The following APBB2 variants were observed in gnomAD, a reference collection of about 807,000 sequenced individuals.
The protein encoded by APBB2 is amyloid beta precursor protein binding family B member 2.
Under a neutral mutation model 82.5 loss-of-function variants are expected in APBB2, and 38 were observed. The observed-to-expected ratio is 0.46, with a 90% CI of 0.36 to 0.60. The LOEUF is 0.60. Ranked by LOEUF, APBB2 falls within the 20% of genes least tolerant of loss-of-function variation. The probability of loss-of-function intolerance (pLI) is 0.00; values close to 1 mark genes in which losing one functional copy is unlikely to be tolerated. For missense variants in APBB2, 772 were observed against 972.3 expected (o/e 0.79, Z 2.74); for synonymous variants, 341 against 368.2 (o/e 0.93, Z 0.85).
chr4:41,075,693 T>C (rs1735411121), intron 3 of APBB2, among the ~76,000 whole-genome samples: 1 of 152,236 alleles, frequency 6.6e-6, no homozygotes, highest in African/African-American at 2.4e-5. Context: ...CTCCAGGCAA[T>C]GAAGGTCATT....
chr4:40,893,107 C>G (rs1352549731), intron 11 of APBB2, 158 bp downstream of exon 11: 2 of 804,172 alleles, frequency 2.5e-6, no homozygotes, highest in Admixed American at 6.1e-5. Flanking sequence ...GGATCAGTCA[C>G]ACGGGGGTAC....
intron 1 of APBB2, among the ~76,000 whole-genome samples, chr4:41,194,450 C>G: frequency 6.6e-6 from 1 of 152,088 alleles, no homozygotes; most frequent in Non-Finnish European, 1.5e-5. Flanking sequence ...TGGGAGGCCA[C>G]GGCAGGTGGA....
intron 7 of APBB2, among the ~76,000 whole-genome samples, chr4:40,941,392 T>A (rs139568112): frequency 6.6e-6 from 1 of 152,188 alleles, no homozygotes; most frequent in South Asian, 2.1e-4. Flanking sequence ...ATATGTGACA[T>A]AGCCTCCCTT....
chr4:41,194,854 ATT>A, intron 1 of APBB2, among the ~76,000 whole-genome samples: 1 of 151,986 alleles, frequency 6.6e-6, no homozygotes, highest in African/African-American at 2.4e-5. Flanking sequence ...TCTTTTTTTA[ATT>A]TTTTCTTTTT....
intron 10 of APBB2, among the ~76,000 whole-genome samples, chr4:40,910,386 G>A (rs896930260): frequency 3.3e-5 from 5 of 151,868 alleles, no homozygotes; most frequent in South Asian, 2.1e-4. Context: ...TACAGGCTAC[G>A]CACTACCATA....
rs73140443 is a variant in APBB2 at position 41,108,366 on chromosome 4, A to C, written c.-260-7616T>G. On this transcript the variant is annotated intron_variant, in intron 2 of 17. Transcript: ENST00000508593. The stretch of plus-strand genomic sequence containing the variant: ...TGTTAGAGCATTTAGTCCATTTCTT[A>C]AAAAAAAAAGAAATCCAATTCTATT... Among the ~76,000 whole-genome samples, 740 of 149,554 alleles carry C rather than the reference A, an allele frequency of 4.9e-3. 8 individuals are homozygous for C. Among genetic ancestry groups the C allele is most frequent in the Middle Eastern group, 0.045 (13 of 292 alleles).
intron 6 of APBB2, among the ~76,000 whole-genome samples, chr4:40,967,751 T>C (rs1795012969): frequency 6.6e-6 from 1 of 152,084 alleles, no homozygotes; most frequent in Admixed American, 6.5e-5. Context: ...GTGGGTGGAA[T>C]GAGCCCAGCA....
At chr4:41,045,839 TG>T (rs758057186) in intron 4 of APBB2, among the ~76,000 whole-genome samples, 1 of 152,238 alleles carries the variant, frequency 6.6e-6, no homozygotes, top group Non-Finnish European at 1.5e-5. Flanking sequence ...ACATAGCAGA[TG>T]TTCAAGAAAT....
intron 10 of APBB2, among the ~76,000 whole-genome samples, chr4:40,924,415 G>C (rs987728351): frequency 6.6e-6 from 1 of 152,156 alleles, no homozygotes; most frequent in Admixed American, 6.5e-5. Context: ...ACGTGAACTT[G>C]CCACGTCTCA....
At chr4:40,928,493 C>T (rs186434922) in intron 10 of APBB2, among the ~76,000 whole-genome samples, 18 of 151,900 alleles carry the variant, frequency 1.2e-4, no homozygotes, top group Admixed American at 9.2e-4. Context: ...GCAGGAGAAT[C>T]GATTGAACCA....
chr4:41,065,187 A>T (rs4324580), intron 4 of APBB2, among the ~76,000 whole-genome samples: 31,329 of 152,018 alleles, frequency 0.21, 4,240 homozygotes, highest in East Asian at 0.54. Context: ...ACCGTAAGCT[A>T]AGGTGGAAGG....
chr4:41,012,042 T>C (rs1579229562), intron 6 of APBB2, among the ~76,000 whole-genome samples: 1 of 151,656 alleles, frequency 6.6e-6, no homozygotes, highest in Non-Finnish European at 1.5e-5. Flanking sequence ...ACTAATTTTT[T>C]TGGAGGAGGA....
At chr4:41,045,964 GT>G (rs1210273153) in intron 4 of APBB2, among the ~76,000 whole-genome samples, 1 of 151,582 alleles carries the variant, frequency 6.6e-6, no homozygotes, top group Non-Finnish European at 1.5e-5. Flanking sequence ...ATTTTTCTAA[GT>G]TTTTTTTAAT....
At chr4:41,026,614 C>T (rs895570634) in intron 5 of APBB2, among the ~76,000 whole-genome samples, 1 of 152,208 alleles carries the variant, frequency 6.6e-6, no homozygotes, top group East Asian at 1.9e-4. Context: ...TGGCTTCTCT[C>T]ATTTACTGTA....
chr4:41,106,538 G>A (rs764019702), intron 2 of APBB2, among the ~76,000 whole-genome samples: 7 of 152,138 alleles, frequency 4.6e-5, no homozygotes, highest in African/African-American at 1.2e-4. Flanking sequence ...GTACAGTGGC[G>A]CTACCTCAGC....
At chr4:41,105,885 C>CAA (rs34109241) in intron 2 of APBB2, among the ~76,000 whole-genome samples, 1,464 of 114,324 alleles carry the variant, frequency 0.013, 25 homozygotes, top group South Asian at 0.053. Flanking sequence ...GACCCCGTCT[C>CAA]AAAAAAAAAA....
At chr4:41,100,463 G>GA (rs1263038609) in intron 3 of APBB2, among the ~76,000 whole-genome samples, 176 bp downstream of exon 3, 1 of 147,838 alleles carries the variant, frequency 6.8e-6, no homozygotes, top group Non-Finnish European at 1.5e-5. Flanking sequence ...TCTCTTGCAA[G>GA]TTTTTTTTTT....
intron 12 of APBB2, among the ~76,000 whole-genome samples, chr4:40,850,537 G>T (rs1037369871): frequency 6.6e-6 from 1 of 152,156 alleles, no homozygotes; most frequent in African/African-American, 2.4e-5. Flanking sequence ...AGGTCCTTCA[G>T]ATCAGGGATC....
At chr4:40,870,105 T>C (rs557579971) in intron 12 of APBB2, among the ~76,000 whole-genome samples, 2 of 152,276 alleles carry the variant, frequency 1.3e-5, no homozygotes, top group South Asian at 4.1e-4. Flanking sequence ...CGCTCACCCA[T>C]GAAATGAAAT....
Sources: gnomAD v4.1 joint callset for allele counts (sites outside exome capture counted in the v4.1 genomes callset) on GRCh38, gnomAD v4.1.1 for gene constraint, MANE v1.5 for transcripts, NCBI Gene and HGNC (gene_info 2026-07-23, HGNC 2026-07-21) for gene names.